The following NRG3 variants were observed in gnomAD, a reference collection of about 807,000 sequenced individuals.
The protein encoded by NRG3 is neuregulin 3.
In NRG3, 31 loss-of-function variants were observed where a neutral mutation model predicts 66.9. The observed-to-expected ratio is 0.46, with a 90% CI of 0.35 to 0.63. The LOEUF (loss-of-function observed/expected upper bound fraction) is 0.63. Among genes scored for constraint, NRG3 ranks in the 20% least tolerant of loss-of-function variants. NRG3 has a pLI of 0.00. For synonymous variants in NRG3, 393 were observed against 359.4 expected, an observed-to-expected ratio of 1.09 and a Z score of -1.06; for missense variants, 910 against 878.9, an observed-to-expected ratio of 1.04 and a Z score of -0.45.
At chr10:81,939,521 A>C (rs1288821783) in intron 1 of NRG3, among the ~76,000 whole-genome samples, 1 of 151,792 alleles carries the variant, frequency 6.6e-6, no homozygotes, top group East Asian at 1.9e-4. Flanking sequence ...CTAGGAATTT[A>C]TCACTTTCTT....
chr10:82,271,724 T>C (rs1398887496), intron 1 of NRG3, among the ~76,000 whole-genome samples: 1 of 152,228 alleles, frequency 6.6e-6, no homozygotes, highest in South Asian at 2.1e-4. Flanking sequence ...TGCTGTCATA[T>C]TTAATGCATT....
At chr10:82,038,721 T>C (rs1294384150) in intron 1 of NRG3, among the ~76,000 whole-genome samples, 1 of 152,144 alleles carries the variant, frequency 6.6e-6, no homozygotes, top group East Asian at 1.9e-4. Context: ...CATTCATCTG[T>C]TTGCTTCTGG....
chr10:81,922,136 C>T (rs917161985), intron 1 of NRG3, among the ~76,000 whole-genome samples: 9 of 152,168 alleles, frequency 5.9e-5, no homozygotes, highest in East Asian at 1.9e-4. Context: ...AAATAGTTAA[C>T]GACTTTTTTT....
At chr10:82,359,277 T>G (rs1444948114) in intron 2 of NRG3, among the ~76,000 whole-genome samples, 1 of 152,210 alleles carries the variant, frequency 6.6e-6, no homozygotes, top group Non-Finnish European at 1.5e-5. Flanking sequence ...ATCTAGAATC[T>G]CAGTGTTTAT....
intron 1 of NRG3, among the ~76,000 whole-genome samples, chr10:82,238,383 A>G (rs2133967703): frequency 6.6e-6 from 1 of 152,304 alleles, no homozygotes. Context: ...TCATTTAATC[A>G]TCATCCATGA....
At chr10:82,809,104 G>T (rs187962918) in intron 3 of NRG3, among the ~76,000 whole-genome samples, 1 of 152,268 alleles carries the variant, frequency 6.6e-6, no homozygotes, top group East Asian at 1.9e-4. Flanking sequence ...GACAACACAT[G>T]CACCATGCAA....
chr10:82,420,059 C>A (rs887021391), intron 2 of NRG3, among the ~76,000 whole-genome samples: 2 of 152,184 alleles, frequency 1.3e-5, no homozygotes, highest in African/African-American at 4.8e-5. Flanking sequence ...GCCTGCAAAT[C>A]TTTTCTCATT....
chr10:82,314,594 G>A lies in NRG3; in HGVS notation c.824-44145G>A, dbSNP rs539684781. On this transcript the variant is annotated intron_variant, in intron 1 of 8. Transcript: ENST00000372141. ...GAGGCCGAGGCAGGTGGATCACGAGGTCAGGAGATCGAGACCATCCTGGCT... is the reference window on the plus strand; with the variant it reads ...GAGGCCGAGGCAGGTGGATCACGAGATCAGGAGATCGAGACCATCCTGGCT... Among the ~76,000 whole-genome samples the A allele has an allele frequency of 3.0e-3, 459 of 152,212 alleles. 5 individuals are homozygous for A. Among genetic ancestry groups the A allele is most frequent in the African/African-American group, 0.01 (431 of 41,534 alleles).
At chr10:81,903,631 C>T (rs572194989) in intron 1 of NRG3, among the ~76,000 whole-genome samples, 17 of 152,240 alleles carry the variant, frequency 1.1e-4, no homozygotes, top group African/African-American at 3.4e-4. Context: ...TGCATGGTTT[C>T]GAACACTCCA....
chr10:82,195,765 T>C (rs1004688098), intron 1 of NRG3, among the ~76,000 whole-genome samples: 8 of 152,096 alleles, frequency 5.3e-5, no homozygotes, highest in African/African-American at 1.9e-4. Flanking sequence ...TTAATGTAAT[T>C]ACAAGGGCTC....
chr10:82,816,760 T>G (rs2061724253), intron 3 of NRG3, among the ~76,000 whole-genome samples: 1 of 152,134 alleles, frequency 6.6e-6, no homozygotes, highest in Non-Finnish European at 1.5e-5. Context: ...CAGAAGGAGG[T>G]GGGGCTCCCA....
At chr10:82,759,486 C>T (rs1443342356) in intron 3 of NRG3, among the ~76,000 whole-genome samples, 1 of 152,108 alleles carries the variant, frequency 6.6e-6, no homozygotes, top group Non-Finnish European at 1.5e-5. Context: ...TAACCAACAG[C>T]AGGAGTTAAT....
At chr10:82,253,784 G>A (rs1564714660) in intron 1 of NRG3, among the ~76,000 whole-genome samples, 1 of 152,074 alleles carries the variant, frequency 6.6e-6, no homozygotes, top group African/African-American at 2.4e-5. Flanking sequence ...TCTTACCTCG[G>A]TTATCCTACA....
chr10:82,204,569 G>A (rs1233718429), intron 1 of NRG3, among the ~76,000 whole-genome samples: 2 of 152,164 alleles, frequency 1.3e-5, no homozygotes, highest in East Asian at 1.9e-4. Flanking sequence ...GGCATTCGCT[G>A]TACAACTCTC....
At chr10:82,370,949 AACACAC>A (rs145443212) in intron 2 of NRG3, among the ~76,000 whole-genome samples, 8 of 147,152 alleles carry the variant, frequency 5.4e-5, no homozygotes, top group East Asian at 4.0e-4. Context: ...CCACCTTACA[AACACAC>A]ACACACACAC....
chr10:82,188,820 T>C (rs1198496299), intron 1 of NRG3, among the ~76,000 whole-genome samples: 1 of 152,048 alleles, frequency 6.6e-6, no homozygotes, highest in African/African-American at 2.4e-5. Context: ...GGGTGGTTAA[T>C]GGGTACCAAA....
At chr10:82,443,204 G>T (rs1257260851) in intron 2 of NRG3, among the ~76,000 whole-genome samples, 2 of 140,932 alleles carry the variant, frequency 1.4e-5, no homozygotes. Context: ...AGGATCCAGG[G>T]GATGCACTTG....
chr10:82,281,191 A>T (rs1016177558), intron 1 of NRG3, among the ~76,000 whole-genome samples: 2 of 152,124 alleles, frequency 1.3e-5, no homozygotes, highest in Non-Finnish European at 2.9e-5. Flanking sequence ...AAATACTTGC[A>T]TTGCCGTAGT....
At chr10:82,166,629 T>C (rs997198412) in intron 1 of NRG3, 1 of 331,238 alleles carries the variant, frequency 3.0e-6, no homozygotes, top group African/African-American at 2.2e-5. Context: ...TTTAAATAAT[T>C]ATGTCTATAT....
Sources: allele counts gnomAD v4.1 joint callset (sites outside exome capture counted in the v4.1 genomes callset), GRCh38; gene constraint gnomAD v4.1.1; transcripts MANE v1.5; gene names NCBI Gene and HGNC (gene_info 2026-07-23, HGNC 2026-07-21).